VPS13B: variants seen among roughly 807,000 people sequenced by gnomAD.
VPS13B encodes the protein vacuolar protein sorting 13 homolog B.
In VPS13B, 285 loss-of-function variants were observed where a neutral mutation model predicts 426.4. That is an observed-to-expected ratio of 0.67 (90% CI 0.61 to 0.74). The LOEUF (loss-of-function observed/expected upper bound fraction) is 0.74, where lower values mean the gene tolerates loss of function less well. VPS13B is among the 30% of genes least tolerant of loss of function. The probability of loss-of-function intolerance (pLI) is 0.00; values close to 1 mark genes in which losing one functional copy is unlikely to be tolerated. For synonymous variants in VPS13B, 1,676 were observed against 1,676.4 expected, an observed-to-expected ratio of 1.00 and a Z score of 0.01; for missense variants, 4,537 against 4,782.6, an observed-to-expected ratio of 0.95 and a Z score of 1.51.
rs368099871 is a variant in VPS13B at position 99,216,729 on chromosome 8, A to G, written c.2515+23672A>G. 1.5e-3 allele frequency among the ~76,000 whole-genome samples: 232 copies of G among 152,072 alleles called. 4 individuals are homozygous for G. The South Asian group carries it at 0.047, about 31-fold the overall frequency. On this transcript the variant is annotated intron_variant, in intron 17 of 61. Transcript: ENST00000357162. ...AGTGTAAAATACTTACTGGGTTCAA[A>G]TACTTTTAAAAAAAGAATGTAAAGT...
At chr8:99,551,872 C>T (rs1824301451) in intron 30 of VPS13B, among the ~76,000 whole-genome samples, 1 of 151,830 alleles carries the variant, frequency 6.6e-6, no homozygotes, top group Non-Finnish European at 1.5e-5. Context: ...ATGATTATTT[C>T]TTGGGATACT....
intron 19 of VPS13B, among the ~76,000 whole-genome samples, chr8:99,345,773 T>C (rs1811503155): frequency 6.6e-6 from 1 of 152,162 alleles, no homozygotes; most frequent in South Asian, 2.1e-4. Flanking sequence ...CAAAAATAAA[T>C]ACAGTTGCAT....
At chr8:99,359,411 A>G (rs1812371049) in intron 19 of VPS13B, among the ~76,000 whole-genome samples, 1 of 152,170 alleles carries the variant, frequency 6.6e-6, no homozygotes, top group Non-Finnish European at 1.5e-5. Context: ...TGTGGGGTTT[A>G]TGTAATTTCT....
intron 3 of VPS13B, among the ~76,000 whole-genome samples, chr8:99,057,314 A>G (rs2132286531): frequency 6.6e-6 from 1 of 152,256 alleles, no homozygotes; most frequent in South Asian, 2.1e-4. Context: ...CATTAGTAAC[A>G]TCAAGCTTAA....
chr8:99,763,135 C>CAAAAAAAAAAAAAAAAAAAAAA (rs750289763), intron 39 of VPS13B, among the ~76,000 whole-genome samples: 1 of 35,848 alleles, frequency 2.8e-5, no homozygotes, highest in African/African-American at 1.4e-4. Flanking sequence ...GACCTTGTCT[C>CAAAAAAAAAAAAAAAAAAAAAA]AAAAAAAAAA....
At position 99,400,483 on chromosome 8, in the gene VPS13B, G is replaced by A. The variant is rs186926148; in HGVS notation, c.3082+8779G>A. ...TGTTTTTCTTAGTGCACGCCTACCA[G>A]TAATTTTTTGAGCAAGCATCCATAG... On this transcript the variant is annotated intron_variant, in intron 21 of 61. Transcript: ENST00000357162. 5.5e-3 allele frequency among the ~76,000 whole-genome samples: 837 copies of A among 152,286 alleles called. 6 individuals carry two copies. Among genetic ancestry groups the A allele is most frequent in the Non-Finnish European group, 6.6e-3 (448 of 68,018 alleles).
intron 15 of VPS13B, among the ~76,000 whole-genome samples, chr8:99,160,562 A>G (rs1287494662): frequency 7.0e-6 from 1 of 143,512 alleles, no homozygotes; most frequent in Non-Finnish European, 1.5e-5. Flanking sequence ...GAGGTGAGAG[A>G]TTTGCTTGAG....
intron 3 of VPS13B, among the ~76,000 whole-genome samples, chr8:99,068,583 T>G (rs1404678386): frequency 6.6e-6 from 1 of 152,164 alleles, no homozygotes; most frequent in African/African-American, 2.4e-5. Flanking sequence ...GAGAACTACC[T>G]CAGACTGGGT....
intron 19 of VPS13B, among the ~76,000 whole-genome samples, chr8:99,370,605 C>CT (rs1047111709): frequency 0.043 from 4,308 of 99,540 alleles, 233 homozygotes; most frequent in Non-Finnish European, 0.061. Context: ...GAGTGAAGGG[C>CT]TTTTTTTTTT....
chr8:99,556,162 T>C (rs971869162), intron 30 of VPS13B, among the ~76,000 whole-genome samples: 3 of 152,142 alleles, frequency 2.0e-5, no homozygotes, highest in African/African-American at 7.2e-5. Flanking sequence ...ATCTCAGGGA[T>C]TGAAATCATG....
At chr8:99,847,309 G>A (rs910152644) in intron 54 of VPS13B, among the ~76,000 whole-genome samples, 3 of 152,054 alleles carry the variant, frequency 2.0e-5, no homozygotes, top group African/African-American at 7.2e-5. Flanking sequence ...CTAATAATTG[G>A]GTCAGACACA....
intron 19 of VPS13B, among the ~76,000 whole-genome samples, chr8:99,378,240 G>A (rs1341825854): frequency 6.7e-6 from 1 of 148,842 alleles, no homozygotes; most frequent in Non-Finnish European, 1.5e-5. Context: ...TCAGTAATAA[G>A]AGAAATATGG....
chr8:99,200,666 T>C (rs1172322973), intron 17 of VPS13B, among the ~76,000 whole-genome samples: 1 of 152,128 alleles, frequency 6.6e-6, no homozygotes, highest in African/African-American at 2.4e-5. Context: ...TGAGTATCTT[T>C]TTGTGTATTT....
intron 60 of VPS13B, 154 bp from the exon 61 acceptor site, chr8:99,871,294 G>A: frequency 8.5e-7 from 1 of 1,176,314 alleles, no homozygotes; most frequent in Admixed American, 1.8e-5. Context: ...ATCAGTCTGA[G>A]AACTGACAAT....
At chr8:99,651,090 G>A (rs1459841059) in intron 34 of VPS13B, among the ~76,000 whole-genome samples, 1 of 152,014 alleles carries the variant, frequency 6.6e-6, no homozygotes. Context: ...ATCCACAGGA[G>A]GTCTTGGAAC....
At chr8:99,039,460 T>C (rs1342834037) in intron 3 of VPS13B, among the ~76,000 whole-genome samples, 1 of 152,030 alleles carries the variant, frequency 6.6e-6, no homozygotes, top group African/African-American at 2.4e-5. Flanking sequence ...GAAAGCAAAA[T>C]AGGTCAGGAC....
chr8:99,058,685 G>T (rs1359448579), intron 3 of VPS13B, among the ~76,000 whole-genome samples: 2 of 152,160 alleles, frequency 1.3e-5, no homozygotes, highest in African/African-American at 2.4e-5. Flanking sequence ...TAATTTCAGA[G>T]AATTAGTTAG....
At chr8:99,132,639 A>G (rs1387626354) in intron 8 of VPS13B, among the ~76,000 whole-genome samples, 1 of 152,214 alleles carries the variant, frequency 6.6e-6, no homozygotes, top group Non-Finnish European at 1.5e-5. Context: ...GCCTTACGAA[A>G]TGTATTCCTT....
chr8:99,460,216 G>A (rs1444181834), intron 23 of VPS13B, among the ~76,000 whole-genome samples: 1 of 151,696 alleles, frequency 6.6e-6, no homozygotes, highest in African/African-American at 2.4e-5. Flanking sequence ...CTGTATTTTA[G>A]TGTACCATTT....
Sources: gnomAD v4.1 joint callset for allele counts (sites outside exome capture counted in the v4.1 genomes callset) on GRCh38, gnomAD v4.1.1 for gene constraint, MANE v1.5 for transcripts, NCBI Gene and HGNC (gene_info 2026-07-23, HGNC 2026-07-21) for gene names.